ZNG1B: variants seen among roughly 807,000 people sequenced by gnomAD.
ZNG1B encodes the protein zinc-regulated GTPase metalloprotein activator 1B.
At chr2:113,438,154 G>C in the ZNG1B span, 1 of 1,586,542 alleles carries the variant, frequency 6.3e-7, no homozygotes. Flanking sequence ...TAGGGGCTGG[G>C]TCACTTGCTT....
At chr2:113,476,772 C>T in the ZNG1B span, among the ~76,000 whole-genome samples, 2,574 of 152,176 alleles carry the variant, frequency 0.017, 42 homozygotes, top group Non-Finnish European at 0.027. Context: ...TTGGAGTACC[C>T]GGCCGTGTGA....
At chr2:113,487,075 G>A in the ZNG1B span, among the ~76,000 whole-genome samples, 4 of 151,748 alleles carry the variant, frequency 2.6e-5, no homozygotes, top group Non-Finnish European at 4.4e-5. Context: ...TTAAAAATAA[G>A]TATAGTCATG....
the ZNG1B span, among the ~76,000 whole-genome samples, chr2:113,462,062 A>G: frequency 6.6e-6 from 1 of 152,182 alleles, no homozygotes; most frequent in Non-Finnish European, 1.5e-5. Flanking sequence ...CTTCACAAAG[A>G]AAATTATGAG....
At chr2:113,449,075 A>G in the ZNG1B span, among the ~76,000 whole-genome samples, 1 of 151,754 alleles carries the variant, frequency 6.6e-6, no homozygotes, top group African/African-American at 2.4e-5. Flanking sequence ...AATCTTGTGA[A>G]CCAACCTCTG....
the ZNG1B span, among the ~76,000 whole-genome samples, chr2:113,486,747 C>G: frequency 7.9e-6 from 1 of 126,278 alleles, no homozygotes. Context: ...CAGAGTGAGA[C>G]CCCATCTCAA....
chr2:113,485,392 T>G, the ZNG1B span, among the ~76,000 whole-genome samples: 3 of 141,068 alleles, frequency 2.1e-5, no homozygotes, highest in Non-Finnish European at 4.5e-5. Context: ...TAGATTGGAC[T>G]TTAGAGTCAG....
At chr2:113,442,738 T>C in the ZNG1B span, among the ~76,000 whole-genome samples, 7 of 152,310 alleles carry the variant, frequency 4.6e-5, no homozygotes, top group African/African-American at 1.4e-4. Context: ...TTAGAAGCTC[T>C]TTATTAATAC....
the ZNG1B span, among the ~76,000 whole-genome samples, chr2:113,440,950 C>T: frequency 4.2e-5 from 6 of 143,422 alleles, no homozygotes; most frequent in Admixed American, 1.4e-4. Context: ...TTGACACTAC[C>T]TGGCTCTATT....
chr2:113,454,779 G>A, the ZNG1B span: 3 of 1,570,714 alleles, frequency 1.9e-6, no homozygotes, highest in Admixed American at 5.0e-5. Context: ...TGGATTAAAA[G>A]TAAGTTGAAA....
the ZNG1B span, among the ~76,000 whole-genome samples, chr2:113,461,027 T>TTATATATATA: frequency 2.6e-4 from 38 of 144,358 alleles, no homozygotes; most frequent in African/African-American, 9.6e-4. Flanking sequence ...ATTGAAGATT[T>TTATATATATA]TATATATATA....
At chr2:113,461,058 A>T in the ZNG1B span, among the ~76,000 whole-genome samples, 588 of 145,894 alleles carry the variant, frequency 4.0e-3, 2 homozygotes, top group African/African-American at 9.5e-3. Flanking sequence ...TAATAATAAT[A>T]ATTATTATTA....
At chr2:113,457,356 C>A in the ZNG1B span, 5 of 342,810 alleles carry the variant, frequency 1.5e-5, no homozygotes, top group African/African-American at 1.1e-4. Flanking sequence ...AGTGTTACAT[C>A]TGTAACCAAT....
At chr2:113,483,226 A>G in the ZNG1B span, among the ~76,000 whole-genome samples, 6 of 151,580 alleles carry the variant, frequency 4.0e-5, no homozygotes, top group African/African-American at 1.5e-4. Flanking sequence ...GGATGAAAAG[A>G]TGAAGCAAAC....
At chr2:113,454,746 A>G in the ZNG1B span, 2 of 1,578,730 alleles carry the variant, frequency 1.3e-6, no homozygotes, top group South Asian at 1.1e-5. Context: ...TGTAGGTATC[A>G]TAACTATAGT....
chr2:113,471,247 C>T, the ZNG1B span, among the ~76,000 whole-genome samples: 5 of 152,072 alleles, frequency 3.3e-5, no homozygotes, highest in Non-Finnish European at 5.9e-5. Context: ...GGAAGTTTTA[C>T]TAACTGGTTG....
chr2:113,473,639 T>C, the ZNG1B span, among the ~76,000 whole-genome samples: 5 of 150,218 alleles, frequency 3.3e-5, no homozygotes, highest in Non-Finnish European at 1.5e-5. Context: ...TAGATAGCTC[T>C]TATTATTTTG....
At chr2:113,455,514 A>C in the ZNG1B span, 33 of 1,027,184 alleles carry the variant, frequency 3.2e-5, no homozygotes, top group Non-Finnish European at 4.4e-5. Context: ...CTTTAAAAGT[A>C]TGTTGTTACA....
At chr2:113,488,007 A>G in the ZNG1B span, among the ~76,000 whole-genome samples, 141 of 152,120 alleles carry the variant, frequency 9.3e-4, 1 homozygote, top group African/African-American at 3.2e-3. Flanking sequence ...TTTCCATACT[A>G]CCACAACTGA....
the ZNG1B span, among the ~76,000 whole-genome samples, chr2:113,459,237 C>T: frequency 6.6e-6 from 1 of 151,230 alleles, no homozygotes; most frequent in Admixed American, 6.6e-5. Flanking sequence ...GTATCATTGC[C>T]ATGATTTTAT....
Sources: gnomAD v4.1 joint callset for allele counts (sites outside exome capture counted in the v4.1 genomes callset) on GRCh38, gnomAD v4.1.1 for gene constraint, MANE v1.5 for transcripts, NCBI Gene and HGNC (gene_info 2026-07-23, HGNC 2026-07-21) for gene names.